NRXN3: variants seen among roughly 807,000 people sequenced by gnomAD.
NRXN3 encodes the protein neurexin III.
A neutral mutation model predicts 137.6 loss-of-function variants in NRXN3; 32 were observed. That is an observed-to-expected ratio of 0.23 (90% CI 0.18 to 0.31). The LOEUF is 0.31. NRXN3 is among the 10% of genes least tolerant of loss of function. NRXN3 has a pLI of 1.00. For missense variants in NRXN3, 1,574 were observed against 2,062.5 expected (o/e 0.76, Z 4.59); for synonymous variants, 798 against 784.5 (o/e 1.02, Z -0.29).
intron 8 of NRXN3, among the ~76,000 whole-genome samples, chr14:78,733,913 C>T (rs2098528699): frequency 6.6e-6 from 1 of 152,238 alleles, no homozygotes; most frequent in Admixed American, 6.5e-5. Flanking sequence ...AGGTGGCTGC[C>T]TCCAGGAAGA....
intron 19 of NRXN3, among the ~76,000 whole-genome samples, chr14:79,757,361 G>C (rs573054428): frequency 6.6e-6 from 1 of 152,100 alleles, no homozygotes; most frequent in Admixed American, 6.6e-5. Flanking sequence ...TGTTATCATC[G>C]TCCTGATGAT....
At chr14:79,488,958 G>A (rs977779856) in intron 16 of NRXN3, among the ~76,000 whole-genome samples, 1 of 152,080 alleles carries the variant, frequency 6.6e-6, no homozygotes, top group Admixed American at 6.5e-5. Context: ...CCCTTAAGCA[G>A]ATAGATGCCC....
chr14:79,351,341 G>A lies in NRXN3; in HGVS notation c.3263-115880G>A, dbSNP rs777833406. 1.6e-4 allele frequency among the ~76,000 whole-genome samples: 24 copies of A among 152,268 alleles called. No homozygotes were observed. The Middle Eastern group carries it at 0.014, about 87-fold the overall frequency. On this transcript the variant is annotated intron_variant, in intron 15 of 20. Transcript: ENST00000335750. ...AATCTTGGACAAATCATGACCGCAG[G>A]AGTCTTCATTTTATCATCTATAAAT...
chr14:79,024,020 G>A (rs981558070), intron 15 of NRXN3, among the ~76,000 whole-genome samples: 2 of 152,028 alleles, frequency 1.3e-5, no homozygotes, highest in African/African-American at 2.4e-5. Context: ...ATCATTCCAT[G>A]GAATCAATCC....
intron 15 of NRXN3, among the ~76,000 whole-genome samples, chr14:78,994,457 A>G (rs1285306596): frequency 3.9e-5 from 6 of 152,194 alleles, no homozygotes; most frequent in Non-Finnish European, 8.8e-5. Context: ...ACTCTTGGGG[A>G]GAAACTCCCC....
chr14:78,834,249 T>A (rs1344217062), intron 10 of NRXN3, among the ~76,000 whole-genome samples: 1 of 152,130 alleles, frequency 6.6e-6, no homozygotes, highest in Non-Finnish European at 1.5e-5. Flanking sequence ...CGTTATGTAT[T>A]GCAAAGTTTC....
chr14:79,476,848 T>G (rs2096564084), intron 16 of NRXN3, among the ~76,000 whole-genome samples: 1 of 152,126 alleles, frequency 6.6e-6, no homozygotes, highest in African/African-American at 2.4e-5. Flanking sequence ...GCACTACTAA[T>G]AAACAGCTGA....
At chr14:78,464,059 T>A (rs1357563033) in intron 4 of NRXN3, among the ~76,000 whole-genome samples, 1 of 148,350 alleles carries the variant, frequency 6.7e-6, no homozygotes, top group South Asian at 2.1e-4. Context: ...TTAATTAATT[T>A]TTTTTTTTTT....
intron 9 of NRXN3, among the ~76,000 whole-genome samples, chr14:78,806,869 C>A (rs373889849): frequency 6.6e-6 from 1 of 152,078 alleles, no homozygotes; most frequent in South Asian, 2.1e-4. Flanking sequence ...GGATCTCATG[C>A]GATTAATGAT....
At chr14:79,404,698 G>A (rs2095275210) in intron 15 of NRXN3, among the ~76,000 whole-genome samples, 1 of 152,144 alleles carries the variant, frequency 6.6e-6, no homozygotes, top group Non-Finnish European at 1.5e-5. Context: ...AAGAAAATAT[G>A]AGGCAAGAAC....
intron 16 of NRXN3, among the ~76,000 whole-genome samples, chr14:79,638,151 C>A (rs1367464670): frequency 6.6e-6 from 1 of 152,146 alleles, no homozygotes; most frequent in Admixed American, 6.5e-5. Flanking sequence ...TCCCCCATGC[C>A]CCTCCTTTCT....
chr14:78,491,435 G>C (rs1281798261), intron 4 of NRXN3, among the ~76,000 whole-genome samples: 1 of 152,194 alleles, frequency 6.6e-6, no homozygotes, highest in Non-Finnish European at 1.5e-5. Flanking sequence ...GAGTGAGGCA[G>C]AGAGGAAGGA....
chr14:79,630,743 C>A (rs1232057072), intron 16 of NRXN3, among the ~76,000 whole-genome samples: 1 of 152,126 alleles, frequency 6.6e-6, no homozygotes, highest in African/African-American at 2.4e-5. Flanking sequence ...TGAAAATAGT[C>A]CTTCTATAAA....
intron 15 of NRXN3, among the ~76,000 whole-genome samples, chr14:79,442,047 G>A (rs565432775): frequency 6.6e-6 from 1 of 152,212 alleles, no homozygotes; most frequent in South Asian, 2.1e-4. Flanking sequence ...AAAGCCTGTG[G>A]CCAAGGACAT....
At chr14:79,646,974 C>A (rs2098455742) in intron 16 of NRXN3, among the ~76,000 whole-genome samples, 1 of 135,348 alleles carries the variant, frequency 7.4e-6, no homozygotes. Flanking sequence ...GAGAAGAGAA[C>A]TAGAAATTGG....
chr14:79,462,956 TAAGAC>T (rs956191040), intron 15 of NRXN3, among the ~76,000 whole-genome samples: 8 of 85,622 alleles, frequency 9.3e-5, no homozygotes, highest in African/African-American at 4.6e-4. Context: ...AAGTGAATCT[TAAGAC>T]AAGAATTCTA....
At chr14:78,745,948 C>G (rs554896918) in intron 8 of NRXN3, among the ~76,000 whole-genome samples, 1 of 152,196 alleles carries the variant, frequency 6.6e-6, no homozygotes, top group South Asian at 2.1e-4. Context: ...CTATAATTAC[C>G]TACCTCATGG....
chr14:78,343,180 C>T (rs2082328710), intron 4 of NRXN3, among the ~76,000 whole-genome samples: 1 of 152,172 alleles, frequency 6.6e-6, no homozygotes, highest in East Asian at 1.9e-4. Context: ...CTTAAATCAA[C>T]ACAACCAAGT....
chr14:78,934,896 C>T (rs1335718688), intron 10 of NRXN3, among the ~76,000 whole-genome samples: 1 of 151,544 alleles, frequency 6.6e-6, no homozygotes, highest in Non-Finnish European at 1.5e-5. Flanking sequence ...ACCAACATGG[C>T]ACATGTATAC....
Sources: allele counts gnomAD v4.1 joint callset (sites outside exome capture counted in the v4.1 genomes callset), GRCh38; gene constraint gnomAD v4.1.1; transcripts MANE v1.5; gene names NCBI Gene and HGNC (gene_info 2026-07-23, HGNC 2026-07-21).